The following FBLN7 variants were observed in gnomAD, a reference collection of about 807,000 sequenced individuals.
FBLN7 encodes fibulin 7, also known as fibulin-7.
FBLN7 carries 31 observed loss-of-function variants against 44.0 expected under a neutral mutation model. The ratio of observed to expected loss-of-function variants is 0.70; its 90% confidence interval spans 0.53 to 0.95. The LOEUF (loss-of-function observed/expected upper bound fraction) is 0.95. FBLN7 is among the 40% of genes least tolerant of loss of function. FBLN7 has a pLI of 0.00. For missense variants in FBLN7, 573 were observed against 618.5 expected (o/e 0.93, Z 0.78); for synonymous variants, 262 against 253.4 (o/e 1.03, Z -0.32).
At chr2:112,163,582 A>G (rs1313657260) in intron 2 of FBLN7, among the ~76,000 whole-genome samples, 3 of 152,160 alleles carry the variant, frequency 2.0e-5, no homozygotes, top group Non-Finnish European at 4.4e-5. Flanking sequence ...CAACCACATC[A>G]GTCCTTCGGG....
chr2:112,205,839 T>C, the FBLN7 span, among the ~76,000 whole-genome samples: 1 of 152,206 alleles, frequency 6.6e-6, no homozygotes, highest in Admixed American at 6.5e-5. Context: ...AGAATGAGCT[T>C]GTCTATACGT....
chr2:112,239,489 C>G, the FBLN7 span, among the ~76,000 whole-genome samples: 766 of 150,716 alleles, frequency 5.1e-3, 3 homozygotes, highest in Non-Finnish European at 8.8e-3. Context: ...CACATGATAA[C>G]TAAGAAGCAA....
At chr2:112,140,390 G>A (rs528694676) in intron 1 of FBLN7, among the ~76,000 whole-genome samples, 1 of 152,316 alleles carries the variant, frequency 6.6e-6, no homozygotes, top group East Asian at 1.9e-4. Context: ...CACCAAGGCT[G>A]GGGGACCCGG....
chr2:112,145,352 C>G (rs1439446301), intron 1 of FBLN7, among the ~76,000 whole-genome samples: 2 of 151,994 alleles, frequency 1.3e-5, no homozygotes, highest in South Asian at 4.2e-4. Flanking sequence ...CCCAGGCCAG[C>G]CATGGAATTA....
At chr2:112,154,138 G>A (rs1681299604) in intron 1 of FBLN7, among the ~76,000 whole-genome samples, 2 of 152,248 alleles carry the variant, frequency 1.3e-5, no homozygotes, top group South Asian at 2.1e-4. Flanking sequence ...TAACAGAAAC[G>A]GTAAACCTTG....
chr2:112,187,259 C>G lies in FBLN7; in HGVS notation c.1073C>G (p.Ala358Gly), dbSNP rs1425902284. The G allele has an allele frequency of 6.2e-7, 1 of 1,614,234 alleles. No individual in the cohort carries two copies. Among genetic ancestry groups the G allele is most frequent in the South Asian group, 1.1e-5 (1 of 91,088 alleles). ...LKTPITLFRM[A>G]TASAPGRAGP... is the part of the protein sequence containing the mutation. The stretch of plus-strand genomic sequence containing the variant: ...ACGCCCATCACGCTCTTCCGCATGG[C>G]CACAGCCTCTGCCCCCGGCCGAGCT... Residue 358 changes from alanine to glycine, a missense_variant, in exon 8 of 8, where the codon GCC becomes GGC. Coordinates refer to ENST00000331203, the MANE Select transcript of FBLN7 (RefSeq NM_153214.3). This position sits in a 1 kb window ranked among gnomAD's most constrained non-coding sequence, Gnocchi z 5.1.
At chr2:112,182,967 C>T (rs935281403) in intron 6 of FBLN7, 39 bp downstream of exon 6, 4 of 1,605,178 alleles carry the variant, frequency 2.5e-6, no homozygotes, top group Non-Finnish European at 3.4e-6. Flanking sequence ...ACCCAGCCAC[C>T]TGCTGCTGTG....
chr2:112,144,050 T>C (rs1680780670), intron 1 of FBLN7, among the ~76,000 whole-genome samples: 1 of 152,238 alleles, frequency 6.6e-6, no homozygotes, highest in African/African-American at 2.4e-5. Flanking sequence ...GCTTAGTATA[T>C]CAACTTTGGA....
downstream of FBLN7, among the ~76,000 whole-genome samples, chr2:112,191,208 C>T (rs1486427666): frequency 6.6e-6 from 1 of 152,130 alleles, no homozygotes; most frequent in Non-Finnish European, 1.5e-5. Context: ...CAGAGTCCAG[C>T]TCTGTTGCCC....
the FBLN7 span, chr2:112,236,616 G>A: frequency 1.9e-6 from 3 of 1,613,832 alleles, no homozygotes; most frequent in African/African-American, 4.0e-5. Flanking sequence ...TGTTTCCAGG[G>A]CCAGGCCATT....
chr2:112,172,991 A>G (rs1682552410), intron 3 of FBLN7, among the ~76,000 whole-genome samples: 1 of 152,096 alleles, frequency 6.6e-6, no homozygotes, highest in African/African-American at 2.4e-5. Flanking sequence ...CCCCACAGGA[A>G]CCTCCAAAAT....
the FBLN7 span, among the ~76,000 whole-genome samples, chr2:112,197,020 A>G: frequency 6.6e-6 from 1 of 152,084 alleles, no homozygotes; most frequent in Admixed American, 6.6e-5. Context: ...ACCTGCCCCC[A>G]TGATTCAGTT....
At chr2:112,197,268 CACACACAGAGAGAGAG>C in the FBLN7 span, among the ~76,000 whole-genome samples, 345 of 128,844 alleles carry the variant, frequency 2.7e-3, no homozygotes, top group South Asian at 0.011. Flanking sequence ...CACACACACA[CACACACAGAGAGAGAG>C]AGAGAGAGAG....
intron 1 of FBLN7, among the ~76,000 whole-genome samples, chr2:112,159,312 A>T (rs892356946): frequency 2.6e-5 from 4 of 152,142 alleles, no homozygotes; most frequent in African/African-American, 9.7e-5. Context: ...TCTAAGAGTG[A>T]CAGAAAGAAA....
chr2:112,200,361 G>A, the FBLN7 span, among the ~76,000 whole-genome samples: 2 of 152,260 alleles, frequency 1.3e-5, no homozygotes, highest in South Asian at 4.1e-4. Flanking sequence ...TCACATAAGG[G>A]GTGGCATGTA....
At chr2:112,204,733 G>A in the FBLN7 span, among the ~76,000 whole-genome samples, 1 of 151,988 alleles carries the variant, frequency 6.6e-6, no homozygotes, top group African/African-American at 2.4e-5. Flanking sequence ...CAGAAACTTA[G>A]GCATTCTCAA....
the FBLN7 span, among the ~76,000 whole-genome samples, chr2:112,227,176 G>A: frequency 6.6e-6 from 1 of 152,214 alleles, no homozygotes; most frequent in Non-Finnish European, 1.5e-5. Flanking sequence ...TTGTATAGAA[G>A]GTTTCAGCCA....
the FBLN7 span, chr2:112,236,696 C>A: frequency 6.2e-7 from 1 of 1,600,078 alleles, no homozygotes; most frequent in South Asian, 1.1e-5. Flanking sequence ...TGTTTAGCAG[C>A]TAAAAACAAA....
the FBLN7 span, chr2:112,230,841 C>T: frequency 1.1e-5 from 12 of 1,100,050 alleles, no homozygotes; most frequent in Admixed American, 4.8e-4. Flanking sequence ...ATTGAGGTTG[C>T]ATGCCAACTT....
Sources: allele counts gnomAD v4.1 joint callset (sites outside exome capture counted in the v4.1 genomes callset), GRCh38; gene constraint gnomAD v4.1.1; non-coding constraint Gnocchi (gnomAD v3.1); transcripts MANE v1.5; gene names NCBI Gene and HGNC (gene_info 2026-07-23, HGNC 2026-07-21).